CACNA1I: variants seen among roughly 807,000 people sequenced by gnomAD.
The protein encoded by CACNA1I is calcium voltage-gated channel subunit alpha1 I.
In CACNA1I, 74 loss-of-function variants were observed where a neutral mutation model predicts 201.6. That is an observed-to-expected ratio of 0.37 (90% confidence interval 0.30 to 0.45). The LOEUF (loss-of-function observed/expected upper bound fraction) is 0.45. Among genes scored for constraint, CACNA1I ranks in the 20% least tolerant of loss-of-function variants. The pLI, the probability that CACNA1I is intolerant of heterozygous loss-of-function variation, is 1.00. For missense variants in CACNA1I, 2,346 were observed against 3,138.1 expected, an observed-to-expected ratio of 0.75 and a Z score of 6.03; for synonymous variants, 1,431 against 1,345.2, an observed-to-expected ratio of 1.06 and a Z score of -1.40.
rs1454965653 is a variant in CACNA1I at position 39,665,453 on chromosome 22, G to A, written c.3852-45G>A. ...TGGGCTGAGTAGGGGCTGCCTCCTGGCCTGGCCAAGGGATTATGTGTGCCT... is the reference window on the plus strand; with the variant it reads ...TGGGCTGAGTAGGGGCTGCCTCCTGACCTGGCCAAGGGATTATGTGTGCCT... On this transcript the variant is annotated intron_variant, in intron 21 of 36. Coordinates refer to ENST00000402142, the MANE Select transcript of CACNA1I (RefSeq NM_021096.4). This position sits in a 1 kb window ranked among gnomAD's most constrained non-coding sequence, Gnocchi z 5.5. 6.2e-7 allele frequency: 1 copy of A among 1,608,570 alleles called. No individual in the cohort carries two copies. The highest frequency in any genetic ancestry group is 8.5e-7 in the Non-Finnish European group (1 of 1,177,456).
At chr22:39,624,173 T>C (rs1313542845) in intron 4 of CACNA1I, among the ~76,000 whole-genome samples, 1 of 151,962 alleles carries the variant, frequency 6.6e-6, no homozygotes, top group African/African-American at 2.4e-5. Flanking sequence ...TGAGGGTGTG[T>C]GTGTGTGAAG....
At chr22:39,674,062 C>A in intron 29 of CACNA1I, 29 bp downstream of exon 29, 1 of 1,607,050 alleles carries the variant, frequency 6.2e-7, no homozygotes, top group Non-Finnish European at 8.5e-7. Context: ...GGCAGCCCTC[C>A]TAGGGGTCAT....
At chr22:39,641,682 A>T (rs1285061029) in intron 6 of CACNA1I, among the ~76,000 whole-genome samples, 1 of 152,232 alleles carries the variant, frequency 6.6e-6, no homozygotes, top group African/African-American at 2.4e-5. Flanking sequence ...CACCCAGTGC[A>T]CATAATGCAC....
intron 27 of CACNA1I, 101 bp from the exon 28 acceptor site, chr22:39,672,848 T>C (rs2235342): frequency 0.5 from 657,290 of 1,327,746 alleles, 168,989 homozygotes; most frequent in East Asian, 0.96. Context: ...TGGGCCACAA[T>C]AGAAGGGTCA....
intron 2 of CACNA1I, 90 bp downstream of exon 2, chr22:39,598,352 C>G: frequency 1.5e-6 from 1 of 655,342 alleles, no homozygotes; most frequent in Non-Finnish European, 2.7e-6. Flanking sequence ...CGCCCCATGT[C>G]CTGGCCTTGC....
At chr22:39,619,445 A>T (rs777376810) in intron 4 of CACNA1I, 38 bp downstream of exon 4, 1 of 1,523,236 alleles carries the variant, frequency 6.6e-7, no homozygotes, top group Non-Finnish European at 9.0e-7. Context: ...TTCCTGGCTG[A>T]TCCATCCCTG....
chr22:39,634,541 T>A (rs1375821024), intron 4 of CACNA1I, 24 bp from the exon 5 acceptor site: 9 of 1,613,282 alleles, frequency 5.6e-6, no homozygotes, highest in Non-Finnish European at 7.6e-6. Context: ...TGTCTGACCA[T>A]CCCTCCACCT....
chr22:39,600,702 A>G, intron 3 of CACNA1I, 49 bp downstream of exon 3: 1 of 1,531,690 alleles, frequency 6.5e-7, no homozygotes, highest in South Asian at 1.3e-5. Flanking sequence ...CACACCAGGC[A>G]TAATTGAGAG....
intron 8 of CACNA1I, among the ~76,000 whole-genome samples, chr22:39,647,367 G>A (rs1934522894): frequency 6.6e-6 from 1 of 152,184 alleles, no homozygotes; most frequent in African/African-American, 2.4e-5. Flanking sequence ...GGCATGTTGG[G>A]GACTCATGCC....
At chr22:39,581,492 G>A (rs1024815207) in intron 1 of CACNA1I, among the ~76,000 whole-genome samples, 6 of 152,292 alleles carry the variant, frequency 3.9e-5, no homozygotes, top group Middle Eastern at 3.4e-3. Context: ...TGAGTCACCC[G>A]TTTGACAGAG....
chr22:39,604,879 C>CT (rs1191262943), intron 3 of CACNA1I, among the ~76,000 whole-genome samples: 2 of 152,036 alleles, frequency 1.3e-5, no homozygotes, highest in Non-Finnish European at 2.9e-5. Flanking sequence ...GCTCAGCTGA[C>CT]TTTTTTGCTG....
intron 10 of CACNA1I, among the ~76,000 whole-genome samples, chr22:39,657,325 G>A (rs1934855227): frequency 6.6e-6 from 1 of 152,178 alleles, no homozygotes; most frequent in African/African-American, 2.4e-5. Context: ...TAGTGGCTTT[G>A]GGCAGGTCCT....
rs547765354 is a variant in CACNA1I at position 39,670,003 on chromosome 22, A to G, written c.4195-35A>G. On this transcript the variant is annotated intron_variant, in intron 24 of 36. Transcript: ENST00000402142. Reference sequence around the variant, plus strand: ...CCTCCCCATGGCCCTGTAGGGCCCAATCAGCCTCCTCAGCCCTTTCTGACT... The same window carrying G: ...CCTCCCCATGGCCCTGTAGGGCCCAGTCAGCCTCCTCAGCCCTTTCTGACT... 55 of 1,611,210 alleles carry G rather than the reference A, an allele frequency of 3.4e-5. 1 individual carries two copies. In the South Asian group the frequency reaches 5.1e-4, roughly 15 times the overall value.
At position 39,675,917 on chromosome 22, in the gene CACNA1I, C is replaced by T. The variant is rs183443439; in HGVS notation, c.4855-1424C>T. 2.6e-5 allele frequency among the ~76,000 whole-genome samples: 4 copies of T among 152,324 alleles called. No homozygotes were observed. The East Asian group carries it at 7.7e-4, about 29-fold the overall frequency. ...GGTCCCTGGGGGCCAGGTCACAGCACACCTTCAGTGCTAGGGCAGCAGAAT... is the reference window on the plus strand; with the variant it reads ...GGTCCCTGGGGGCCAGGTCACAGCATACCTTCAGTGCTAGGGCAGCAGAAT... On this transcript the variant is annotated intron_variant, in intron 29 of 36. Coordinates refer to ENST00000402142, the MANE Select transcript of CACNA1I (RefSeq NM_021096.4).
chr22:39,655,738 G>A (rs1044402052), intron 10 of CACNA1I, among the ~76,000 whole-genome samples: 1 of 152,078 alleles, frequency 6.6e-6, no homozygotes, highest in Admixed American at 6.5e-5. Context: ...GCTCCCACTT[G>A]CTGTGTCTAT....
At chr22:39,578,960 C>A (rs986336697) in intron 1 of CACNA1I, among the ~76,000 whole-genome samples, 12 of 152,210 alleles carry the variant, frequency 7.9e-5, no homozygotes, top group African/African-American at 2.9e-4. Context: ...ACCAGCCCCA[C>A]AAGCCCAACT....
chr22:39,648,850 G>A lies in CACNA1I; in HGVS notation c.1568-651G>A, dbSNP rs902096906. Among the ~76,000 whole-genome samples the A allele has an allele frequency of 6.6e-5, 10 of 152,002 alleles. No homozygotes were observed. The highest frequency in any genetic ancestry group is 1.2e-4 in the Non-Finnish European group (8 of 67,964). ...CAGCCCAGGCGTCTCCTGTGATTCC[G>A]GGGCAGCAAAGGGATGAAGTTCCCT... On this transcript the variant is annotated intron_variant, in intron 9 of 36. Transcript: ENST00000402142. This position sits in a 1 kb window ranked among gnomAD's most constrained non-coding sequence, Gnocchi z 5.4.
At chr22:39,607,509 G>C (rs928823255) in intron 3 of CACNA1I, among the ~76,000 whole-genome samples, 6 of 152,204 alleles carry the variant, frequency 3.9e-5, no homozygotes, top group African/African-American at 1.4e-4. Context: ...CAGCTCATTC[G>C]ACTGTCACAG....
chr22:39,627,881 A>G (rs1933943198), intron 4 of CACNA1I, among the ~76,000 whole-genome samples: 1 of 136,556 alleles, frequency 7.3e-6, no homozygotes, highest in African/African-American at 2.7e-5. Flanking sequence ...AGGGAGAGAA[A>G]TGGGGAGATG....
Sources: allele counts gnomAD v4.1 joint callset (sites outside exome capture counted in the v4.1 genomes callset), GRCh38; gene constraint gnomAD v4.1.1; non-coding constraint Gnocchi (gnomAD v3.1); transcripts MANE v1.5; gene names NCBI Gene and HGNC (gene_info 2026-07-23, HGNC 2026-07-21).